The following CCT3 variants were observed in gnomAD, a reference collection of about 807,000 sequenced individuals.
The protein encoded by CCT3 is T-complex protein 1 subunit gamma.
In CCT3, 10 loss-of-function variants were observed where a neutral mutation model predicts 65.3. The ratio of observed to expected loss-of-function variants is 0.15; its 90% CI spans 0.09 to 0.26. The LOEUF is 0.26. CCT3 is among the 10% of genes least tolerant of loss of function. The probability of loss-of-function intolerance (pLI) is 1.00; values close to 1 mark genes in which losing one functional copy is unlikely to be tolerated. For synonymous variants in CCT3, 225 were observed against 242.3 expected (o/e 0.93, Z 0.66); for missense variants, 626 against 708.7 (o/e 0.88, Z 1.33).
chr1:156,329,018 T>G (rs1249475884), intron 5 of CCT3, among the ~76,000 whole-genome samples: 1 of 152,232 alleles, frequency 6.6e-6, no homozygotes, highest in Non-Finnish European at 1.5e-5. Context: ...CAGCCAACAA[T>G]GGACCACATA....
rs1036699461 is a variant in CCT3, at chr1:156,321,500, T to C, written c.423-475A>G. ...CCAACTGGTCATCTTTGTGTTTTTA[T>C]GTTACTGTAAACACATTTTATGTAT... On this transcript the variant is annotated intron_variant, in intron 6 of 13. Transcript: ENST00000295688. 3.3e-5 allele frequency among the ~76,000 whole-genome samples: 5 copies of C among 152,362 alleles called. No homozygotes were observed. In the East Asian group the frequency reaches 9.6e-4, roughly 29 times the overall value.
chr1:156,328,170 C>G (rs1664932243), intron 5 of CCT3, among the ~76,000 whole-genome samples: 1 of 137,322 alleles, frequency 7.3e-6, no homozygotes, highest in Non-Finnish European at 1.6e-5. Context: ...CCCCTCTGCC[C>G]AGCCAGCCGC....
chr1:156,313,350 G>GGAAAAAAAAAAAA (rs570894422), intron 10 of CCT3, among the ~76,000 whole-genome samples: 20 of 106,742 alleles, frequency 1.9e-4, no homozygotes, highest in Admixed American at 3.4e-4. Flanking sequence ...AAAAAAAAAA[G>GGAAAAAAAAAAAA]AAAAAAAAAA....
intron 10 of CCT3, 71 bp from the exon 11 acceptor site, chr1:156,312,292 G>GAAA: frequency 2.1e-6 from 3 of 1,447,002 alleles, no homozygotes; most frequent in Non-Finnish European, 2.8e-6. Flanking sequence ...AGTCTCTAGG[G>GAAA]TCTGTAGCTA....
chr1:156,310,291 G>A (rs1429109019), intron 13 of CCT3, among the ~76,000 whole-genome samples: 1 of 151,866 alleles, frequency 6.6e-6, no homozygotes, highest in African/African-American at 2.4e-5. Context: ...TCAGGAGTTC[G>A]AGACCAGCCT....
intron 7 of CCT3, among the ~76,000 whole-genome samples, chr1:156,319,815 A>G (rs1037128941): frequency 3.9e-5 from 6 of 152,194 alleles, no homozygotes; most frequent in Admixed American, 1.3e-4. Flanking sequence ...CTATACTACT[A>G]AACTTTTGGA....
chr1:156,316,771 C>T (rs1214601650), intron 10 of CCT3, among the ~76,000 whole-genome samples: 3 of 152,178 alleles, frequency 2.0e-5, no homozygotes, highest in Non-Finnish European at 4.4e-5. Context: ...TAAATCGCAG[C>T]TAAGGATGTA....
chr1:156,329,784 C>G (rs1665030537), intron 5 of CCT3, among the ~76,000 whole-genome samples: 1 of 151,230 alleles, frequency 6.6e-6, no homozygotes. Context: ...ACTAAAAATA[C>G]AAAAATTAGC....
chr1:156,321,505 C>T (rs1046150418), intron 6 of CCT3, among the ~76,000 whole-genome samples: 3 of 152,160 alleles, frequency 2.0e-5, no homozygotes, highest in Non-Finnish European at 4.4e-5. Context: ...TTTTATGTTA[C>T]TGTAAACACA....
chr1:156,310,704 A>G lies in CCT3; in HGVS notation c.1402-15T>C. 2 of 1,612,162 alleles carry G rather than the reference A, an allele frequency of 1.2e-6. No homozygotes were observed. The highest frequency in any genetic ancestry group is 1.7e-6 in the Non-Finnish European group (2 of 1,179,316). On this transcript the variant is annotated splice_polypyrimidine_tract_variant and intron_variant, in intron 12 of 13. Coordinates refer to ENST00000295688, the MANE Select transcript of CCT3 (RefSeq NM_005998.5). ...GTGTGCTTGGCCTGCAATTGAAGCA[A>G]GAAGTAAAGGGGAAAATAAGTTAAC...
intron 4 of CCT3, 37 bp downstream of exon 4, chr1:156,334,676 C>A: frequency 6.2e-7 from 1 of 1,600,454 alleles, no homozygotes; most frequent in South Asian, 1.1e-5. Context: ...ACAGAACTGT[C>A]AGAAAGCAAA....
chr1:156,318,589 C>T (rs919684802), intron 8 of CCT3, among the ~76,000 whole-genome samples: 1 of 152,256 alleles, frequency 6.6e-6, no homozygotes, highest in Middle Eastern at 3.4e-3. Context: ...TTAGGAAAGG[C>T]AGCATGATCG....
intron 10 of CCT3, among the ~76,000 whole-genome samples, chr1:156,315,424 G>A (rs978380482): frequency 2.0e-5 from 3 of 152,120 alleles, no homozygotes; most frequent in Non-Finnish European, 2.9e-5. Flanking sequence ...GGCCAGGCTG[G>A]TCTTGAACTC....
At chr1:156,335,735 A>C (rs1665309737) in intron 2 of CCT3, 92 bp downstream of exon 2, 1 of 1,009,280 alleles carries the variant, frequency 9.9e-7, no homozygotes, top group Non-Finnish European at 1.5e-6. Context: ...CCTACTCTAT[A>C]AAGTCTAGAT....
chr1:156,330,500 C>T (rs1665058896), intron 5 of CCT3, among the ~76,000 whole-genome samples: 1 of 151,874 alleles, frequency 6.6e-6, no homozygotes, highest in African/African-American at 2.4e-5. Context: ...CACACCTCTA[C>T]TAAAAATACA....
At chr1:156,319,913 A>G (rs1212991681) in intron 7 of CCT3, among the ~76,000 whole-genome samples, 1 of 152,190 alleles carries the variant, frequency 6.6e-6, no homozygotes, top group African/African-American at 2.4e-5. Context: ...TGTTAAGCTT[A>G]TATCCTGACC....
chr1:156,320,575 A>G (rs567307678), intron 7 of CCT3, among the ~76,000 whole-genome samples: 4 of 152,090 alleles, frequency 2.6e-5, no homozygotes, highest in African/African-American at 7.2e-5. Context: ...TGAGACCCTC[A>G]TCTCTACAAA....
At chr1:156,323,374 C>G (rs945841487) in intron 6 of CCT3, among the ~76,000 whole-genome samples, 6 of 151,192 alleles carry the variant, frequency 4.0e-5, no homozygotes, top group South Asian at 4.2e-4. Context: ...AACACTTATG[C>G]ATCTAGTGAC....
At chr1:156,313,194 C>G (rs1158027124) in intron 10 of CCT3, among the ~76,000 whole-genome samples, 1 of 151,952 alleles carries the variant, frequency 6.6e-6, no homozygotes, top group African/African-American at 2.4e-5. Flanking sequence ...AAAAAATTAG[C>G]CAGGTGTCAT....
Sources: gnomAD v4.1 joint callset for allele counts (sites outside exome capture counted in the v4.1 genomes callset) on GRCh38, gnomAD v4.1.1 for gene constraint, MANE v1.5 for transcripts, NCBI Gene and HGNC (gene_info 2026-07-23, HGNC 2026-07-21) for gene names.